The following AP3S2 variants were observed in gnomAD, a reference collection of about 807,000 sequenced individuals.
AP3S2 encodes the protein adaptor related protein complex 3 subunit sigma 2.
A neutral mutation model predicts 23.4 loss-of-function variants in AP3S2; 22 were observed. The ratio of observed to expected loss-of-function variants is 0.94; its 90% CI spans 0.67 to 1.34. The LOEUF is 1.34. AP3S2 is among the 40% of genes most tolerant of loss of function. The pLI is 0.00. For synonymous variants in AP3S2, 86 were observed against 87.1 expected (o/e 0.99, Z 0.07); for missense variants, 241 against 236.9 (o/e 1.02, Z -0.11).
intron 4 of AP3S2, among the ~76,000 whole-genome samples, chr15:89,844,943 G>A (rs1369118746): frequency 6.6e-6 from 1 of 150,660 alleles, no homozygotes; most frequent in East Asian, 2.0e-4. Context: ...GTCTCACTCT[G>A]TTGCCCAGCT....
chr15:89,889,649 T>C (rs1245633764), intron 1 of AP3S2, among the ~76,000 whole-genome samples: 7 of 151,608 alleles, frequency 4.6e-5, no homozygotes, highest in Non-Finnish European at 2.9e-5. Context: ...GCCTGACCAA[T>C]ATGGTGAAAC....
At chr15:89,873,473 C>T (rs546051517) in intron 3 of AP3S2, among the ~76,000 whole-genome samples, 5 of 151,988 alleles carry the variant, frequency 3.3e-5, no homozygotes, top group East Asian at 1.9e-4. Flanking sequence ...TTAGTAGAGA[C>T]GAGGTTTCAC....
At chr15:89,885,857 G>C (rs966762557) in intron 3 of AP3S2, among the ~76,000 whole-genome samples, 5 of 150,940 alleles carry the variant, frequency 3.3e-5, no homozygotes, top group African/African-American at 1.2e-4. Context: ...AGGAGGATGG[G>C]TTGAGCCTGG....
intron 4 of AP3S2, among the ~76,000 whole-genome samples, chr15:89,848,398 T>C (rs1202021090): frequency 7.2e-5 from 11 of 152,254 alleles, no homozygotes; most frequent in Admixed American, 7.2e-4. Flanking sequence ...TCTCGCTCTG[T>C]CGCCCAGGCT....
Position 89,837,621 on chromosome 15 carries a change from T to C in AP3S2, c.447A>G (p.Lys149=), listed in dbSNP as rs1426374563. The C allele has an allele frequency of 3.1e-6, 5 of 1,614,028 alleles. No individual in the cohort carries two copies. Among genetic ancestry groups the C allele is most frequent in the East Asian group, 2.2e-5 (1 of 44,896 alleles). The change falls in exon 5 of 6, where the codon AAA becomes AAG. Residue 149 remains lysine (K), a synonymous_variant. Coordinates refer to ENST00000336418, the MANE Select transcript of AP3S2 (RefSeq NM_005829.5). ...AGCACAGCTGCTTACTCACCTCGGA[T>C]TTCTCCAGCCTGTTTTGAGCCTCAA... is the stretch of plus-strand genomic sequence containing the variant. The part of the protein sequence containing the change: ...AQIEAQNRLE[K]SEGGLSAAPA...
intron 4 of AP3S2, chr15:89,865,651 G>A (rs1455618439): frequency 6.6e-6 from 1 of 152,198 alleles, no homozygotes; most frequent in Non-Finnish European, 1.5e-5. Context: ...CTAGAGGCCT[G>A]TTTCTTCCTT....
At chr15:89,846,178 TAGTG>T (rs1262776090) in intron 4 of AP3S2, among the ~76,000 whole-genome samples, 1 of 152,340 alleles carries the variant, frequency 6.6e-6, no homozygotes, top group Non-Finnish European at 1.5e-5. Flanking sequence ...GACAACATTT[TAGTG>T]AGTGAAAGTC....
At chr15:89,847,985 G>A (rs1307220830) in intron 4 of AP3S2, among the ~76,000 whole-genome samples, 2 of 152,264 alleles carry the variant, frequency 1.3e-5, no homozygotes, top group Admixed American at 6.5e-5. Context: ...CCATCTAACC[G>A]AAAATTTCAC....
At chr15:89,859,966 G>A (rs35878743) in intron 4 of AP3S2, among the ~76,000 whole-genome samples, 37,824 of 151,528 alleles carry the variant, frequency 0.25, 5,043 homozygotes, top group South Asian at 0.32. Flanking sequence ...GGGTTTCACC[G>A]TGTTAGCCAG....
intron 3 of AP3S2, among the ~76,000 whole-genome samples, chr15:89,883,775 G>A (rs960865419): frequency 1.3e-5 from 2 of 152,152 alleles, no homozygotes; most frequent in African/African-American, 2.4e-5. Flanking sequence ...AACTAAAATT[G>A]ATTGCTTCAA....
chr15:89,884,603 T>C (rs1023824712), intron 3 of AP3S2, among the ~76,000 whole-genome samples: 1 of 151,744 alleles, frequency 6.6e-6, no homozygotes, highest in African/African-American at 2.4e-5. Context: ...ACTTAGTAAG[T>C]AATTTTGTAC....
intron 3 of AP3S2, chr15:89,877,287 A>G (rs776427974): frequency 7.6e-7 from 1 of 1,312,150 alleles, no homozygotes; most frequent in Admixed American, 2.0e-5. Context: ...AAATGGATGC[A>G]GTTTGAAAAA....
At chr15:89,837,862 GC>G in intron 4 of AP3S2, 140 bp from the exon 5 acceptor site, 1 of 912,360 alleles carries the variant, frequency 1.1e-6, no homozygotes, top group Non-Finnish European at 1.6e-6. Flanking sequence ...AAACCCCCCT[GC>G]CCAGTGACAC....
At chr15:89,878,689 T>C (rs1486523035) in intron 3 of AP3S2, among the ~76,000 whole-genome samples, 2 of 151,908 alleles carry the variant, frequency 1.3e-5, no homozygotes, top group Non-Finnish European at 2.9e-5. Context: ...GCCTCCCAAG[T>C]AGCTGAGAAT....
intron 2 of AP3S2, 44 bp downstream of exon 2, chr15:89,889,005 T>A (rs754866647): frequency 5.0e-6 from 8 of 1,612,080 alleles, no homozygotes; most frequent in Non-Finnish European, 5.1e-6. Flanking sequence ...TGAAGGCCAC[T>A]CACAAGTGGA....
chr15:89,844,088 A>C (rs1895402856), intron 4 of AP3S2, among the ~76,000 whole-genome samples: 1 of 152,232 alleles, frequency 6.6e-6, no homozygotes, highest in Non-Finnish European at 1.5e-5. Flanking sequence ...GATATGGTTA[A>C]TCTGACTTTT....
chr15:89,858,493 AAG>A (rs143172663), intron 4 of AP3S2, among the ~76,000 whole-genome samples: 631 of 60,178 alleles, frequency 0.01, 9 homozygotes, highest in Middle Eastern at 0.033. Flanking sequence ...GAAAGAAAGA[AAG>A]AGAGAGAGAG....
chr15:89,875,809 C>T (rs1378318246), intron 3 of AP3S2, among the ~76,000 whole-genome samples: 1 of 152,048 alleles, frequency 6.6e-6, no homozygotes, highest in Non-Finnish European at 1.5e-5. Flanking sequence ...GTTAGCCAGG[C>T]GTGGTGGTGT....
chr15:89,867,554 T>C (rs1002254990), intron 4 of AP3S2, among the ~76,000 whole-genome samples: 12 of 133,826 alleles, frequency 9.0e-5, no homozygotes, highest in Non-Finnish European at 1.8e-4. Context: ...CGCCATCCCA[T>C]CTAGGAAGTG....
Sources: gnomAD v4.1 joint callset for allele counts (sites outside exome capture counted in the v4.1 genomes callset) on GRCh38, gnomAD v4.1.1 for gene constraint, MANE v1.5 for transcripts, NCBI Gene and HGNC (gene_info 2026-07-23, HGNC 2026-07-21) for gene names.